Variants in NAV3 observed in about 807,000 individuals in gnomAD.
NAV3 encodes the protein pore membrane and/or filament interacting like protein 1.
A neutral mutation model predicts 244.7 loss-of-function variants in NAV3; 87 were observed. The ratio of observed to expected loss-of-function variants is 0.36; its 90% confidence interval spans 0.30 to 0.42. The LOEUF is 0.42. Among genes scored for constraint, NAV3 ranks in the 20% least tolerant of loss-of-function variants. The pLI is 1.00. For synonymous variants in NAV3, 1,126 were observed against 1,042.2 expected, an observed-to-expected ratio of 1.08 and a Z score of -1.55; for missense variants, 2,663 against 2,893.3, an observed-to-expected ratio of 0.92 and a Z score of 1.83.
rs1342552462 is a variant in NAV3 at position 78,118,435 on chromosome 12, T to C, written c.3040+138T>C. ...TTAAACATGGAGTCAAATAGTTAAATAGTTTTTCTGTCTACGTTTCACAAA... is the reference window on the plus strand; with the variant it reads ...TTAAACATGGAGTCAAATAGTTAAACAGTTTTTCTGTCTACGTTTCACAAA... On this transcript the variant is annotated intron_variant, in intron 14 of 39. Transcript: ENST00000397909. 1.1e-5 allele frequency: 13 copies of C among 1,209,302 alleles called. No homozygotes were observed. The Admixed American group carries it at 2.3e-4, about 22-fold the overall frequency. 74.9% of individuals were successfully genotyped at this position (1,209,302 alleles called of 1,614,324 possible).
intron 35 of NAV3, among the ~76,000 whole-genome samples, chr12:78,197,984 A>C (rs184377532): frequency 4.5e-4 from 68 of 152,014 alleles, no homozygotes; most frequent in African/African-American, 1.6e-3. Context: ...ATTAATGAGT[A>C]TGATTTTTAA....
chr12:77,590,670 A>T (rs1266430780), intron 2 of NAV3, among the ~76,000 whole-genome samples: 1 of 152,212 alleles, frequency 6.6e-6, no homozygotes, highest in Non-Finnish European at 1.5e-5. Flanking sequence ...AAAGACCCGC[A>T]CACTTGTGGT....
At chr12:77,959,912 C>CAAAAAAAAAAAAAAA (rs57550714) in intron 3 of NAV3, among the ~76,000 whole-genome samples, 1 of 64,686 alleles carries the variant, frequency 1.5e-5, no homozygotes, top group Non-Finnish European at 2.6e-5. Flanking sequence ...CCTGACCCGA[C>CAAAAAAAAAAAAAAA]AAAAAAAAAA....
intron 2 of NAV3, among the ~76,000 whole-genome samples, chr12:77,607,881 C>T (rs1244491171): frequency 6.6e-6 from 1 of 152,020 alleles, no homozygotes; most frequent in Non-Finnish European, 1.5e-5. Context: ...TGTAAAGTTG[C>T]CCCGTAAATA....
intron 1 of NAV3, among the ~76,000 whole-genome samples, chr12:77,836,460 T>G (rs1874653893): frequency 6.6e-6 from 1 of 152,204 alleles, no homozygotes; most frequent in South Asian, 2.1e-4. Context: ...AAGCAATTAT[T>G]TTTTGTGGAC....
intron 2 of NAV3, among the ~76,000 whole-genome samples, chr12:77,669,454 G>T (rs1178128221): frequency 6.6e-6 from 1 of 152,112 alleles, no homozygotes; most frequent in Admixed American, 6.5e-5. Context: ...GTCTTCAGGA[G>T]ACTCACCTGA....
chr12:78,160,729 A>G (rs1224973689), intron 23 of NAV3, among the ~76,000 whole-genome samples: 2 of 152,084 alleles, frequency 1.3e-5, no homozygotes, highest in Non-Finnish European at 2.9e-5. Flanking sequence ...AGCACATTGT[A>G]TTCTCTCTCA....
chr12:77,921,031 G>A (rs574811529), intron 1 of NAV3, among the ~76,000 whole-genome samples: 5 of 151,958 alleles, frequency 3.3e-5, no homozygotes, highest in Admixed American at 6.6e-5. Flanking sequence ...ATAAGAAAAC[G>A]AAAAGGATAC....
chr12:77,827,444 A>T (rs1381277900), upstream of NAV3, among the ~76,000 whole-genome samples: 1 of 151,964 alleles, frequency 6.6e-6, no homozygotes. Flanking sequence ...TAAATTACTG[A>T]TATTAAAATT....
At chr12:77,709,694 T>C (rs375817300) in intron 2 of NAV3, among the ~76,000 whole-genome samples, 3 of 152,210 alleles carry the variant, frequency 2.0e-5, no homozygotes, top group African/African-American at 7.2e-5. Flanking sequence ...CCCATCATCA[T>C]AGTCTGGCAA....
chr12:78,064,395 GTGTCTGTCTGTCTGTC>G (rs3054540), intron 12 of NAV3, among the ~76,000 whole-genome samples: 1 of 139,954 alleles, frequency 7.1e-6, no homozygotes, highest in African/African-American at 2.7e-5. Flanking sequence ...CTATCTATCT[GTGTCTGTCTGTCTGTC>G]TGTCTGTCTG....
chr12:78,053,676 AAC>A (rs947140873), intron 11 of NAV3, among the ~76,000 whole-genome samples: 1 of 152,194 alleles, frequency 6.6e-6, no homozygotes, highest in Admixed American at 6.5e-5. Flanking sequence ...TCAGCATAAA[AAC>A]ACAAAAAATG....
At position 77,759,847 on chromosome 12, in the gene NAV3, C is replaced by A. The variant is rs530977703; in HGVS notation, c.73-180472C>A. Among the ~76,000 whole-genome samples the A allele has an allele frequency of 7.2e-4, 110 of 152,132 alleles. 1 individual carries two copies. The highest frequency in any genetic ancestry group is 1.3e-3 in the Non-Finnish European group (87 of 68,020). ...TTTCCTAGTAAATTAGTTGACCTGC[C>A]CCTTATTGCTGTTTTCTGGATTCTG... is the stretch of plus-strand genomic sequence containing the variant. On this transcript the variant is annotated intron_variant, in intron 2 of 8. Coordinates refer to the NAV3 transcript ENST00000550042.
At position 78,200,647 on chromosome 12, in the gene NAV3, T is replaced by C. The variant is rs868339960; in HGVS notation, c.6834+56T>C. 1.9e-5 allele frequency: 21 copies of C among 1,095,074 alleles called. 1 individual carries two copies. Among genetic ancestry groups the C allele is most frequent in the African/African-American group, 8.1e-5 (5 of 61,546 alleles). 67.8% of individuals were successfully genotyped at this position (1,095,074 alleles called of 1,614,324 possible). ...TTTTAAAAAAAAAAAGCAAAAAAAA[T>C]TACTTTAAAAGCAAAAAAAAATATC... is the stretch of plus-strand genomic sequence containing the variant. On this transcript the variant is annotated intron_variant, in intron 38 of 39. Coordinates refer to ENST00000397909, the MANE Select transcript of NAV3 (RefSeq NM_001024383.2).
chr12:77,662,797 GA>G (rs988934901), intron 2 of NAV3, among the ~76,000 whole-genome samples: 4 of 151,712 alleles, frequency 2.6e-5, no homozygotes, highest in South Asian at 4.2e-4. Context: ...ACAATGTGCA[GA>G]AAAAAAAGAA....
At chr12:78,194,782 T>G (rs934409968) in intron 34 of NAV3, among the ~76,000 whole-genome samples, 9 of 152,120 alleles carry the variant, frequency 5.9e-5, no homozygotes. Context: ...ATATCATATT[T>G]TCGTGTTTCT....
rs1383627210 is a variant in NAV3, at chr12:77,873,760, ATATATATG to A, written c.243+42063_243+42070del. ...TGTGTGTGTGTATATATATATATATATATATATGTATATAACAGCATATGCATTATGTG... is the reference window on the plus strand; with the variant it reads ...TGTGTGTGTGTATATATATATATATATATATAACAGCATATGCATTATGTG... On this transcript the variant is annotated intron_variant, in intron 1 of 39. Transcript: ENST00000397909. Among the ~76,000 whole-genome samples, 855 of 115,992 alleles carry A rather than the reference ATATATATG, an allele frequency of 7.4e-3. 39 individuals carry two copies. The highest frequency in any genetic ancestry group is 0.021 in the African/African-American group (734 of 35,324). 76.1% of individuals were successfully genotyped at this position (115,992 alleles called of 152,430 possible).
chr12:77,909,940 C>A (rs1168152848), intron 1 of NAV3, among the ~76,000 whole-genome samples: 1 of 151,970 alleles, frequency 6.6e-6, no homozygotes, highest in Non-Finnish European at 1.5e-5. Flanking sequence ...TATATGCAAT[C>A]ACTTAAATGC....
intron 2 of NAV3, among the ~76,000 whole-genome samples, chr12:77,589,920 C>G (rs985289788): frequency 6.6e-6 from 1 of 152,216 alleles, no homozygotes; most frequent in Non-Finnish European, 1.5e-5. Context: ...TGCTTAATCA[C>G]ATTTCTCTGT....
Sources: gnomAD v4.1 joint callset for allele counts (sites outside exome capture counted in the v4.1 genomes callset) on GRCh38, gnomAD v4.1.1 for gene constraint, MANE v1.5 for transcripts, NCBI Gene and HGNC (gene_info 2026-07-23, HGNC 2026-07-21) for gene names.